Variants in GAS2 observed in about 807,000 individuals in gnomAD.
GAS2 encodes the protein growth arrest-specific protein 2.
In GAS2, 20 loss-of-function variants were observed where a neutral mutation model predicts 37.5. The observed-to-expected ratio is 0.53, with a 90% CI of 0.37 to 0.77. The LOEUF (loss-of-function observed/expected upper bound fraction) is 0.77. Among genes scored for constraint, GAS2 ranks in the 30% least tolerant of loss-of-function variants. GAS2 has a pLI of 0.00. For synonymous variants in GAS2, 144 were observed against 132.2 expected (o/e 1.09, Z -0.61); for missense variants, 336 against 373.4 (o/e 0.90, Z 0.82).
chr11:22,806,226 A>T (rs1030437021), intron 7 of GAS2, among the ~76,000 whole-genome samples: 2 of 152,134 alleles, frequency 1.3e-5, no homozygotes, highest in African/African-American at 4.8e-5. Flanking sequence ...GGCTTCTTTC[A>T]TGTACCACAA....
chr11:22,794,083 G>A (rs1318988590), intron 7 of GAS2, among the ~76,000 whole-genome samples: 1 of 148,886 alleles, frequency 6.7e-6, no homozygotes, highest in Non-Finnish European at 1.5e-5. Context: ...TACAAAACAA[G>A]AATAAGATCT....
At position 22,737,786 on chromosome 11, in the gene GAS2, A is replaced by C. The variant is rs779101145; in HGVS notation, c.473+18A>C. 1.2e-6 allele frequency: 2 copies of C among 1,610,896 alleles called. No homozygotes were observed. Among genetic ancestry groups the C allele is most frequent in the East Asian group, 2.2e-5 (1 of 44,848 alleles). On this transcript the variant is annotated intron_variant, in intron 5 of 7. Coordinates refer to ENST00000454584, the MANE Select transcript of GAS2 (RefSeq NM_001143830.3). ...GCAGCCAGGTAGGTCAAACCACTGC[A>C]ACTATGTCAAGACATTGACGATTTC...
chr11:22,779,990 C>G (rs901134030), intron 7 of GAS2, among the ~76,000 whole-genome samples: 1 of 152,174 alleles, frequency 6.6e-6, no homozygotes, highest in Non-Finnish European at 1.5e-5. Context: ...ATTCTTTACG[C>G]TTTTGACCTT....
chr11:22,646,627 G>C (rs1278672925), intron 1 of GAS2, among the ~76,000 whole-genome samples: 1 of 152,178 alleles, frequency 6.6e-6, no homozygotes, highest in East Asian at 1.9e-4. Flanking sequence ...AATCTATTTT[G>C]AGAAAGGCAC....
chr11:22,770,739 G>C (rs908913738), intron 7 of GAS2, among the ~76,000 whole-genome samples: 3 of 152,214 alleles, frequency 2.0e-5, no homozygotes, highest in Non-Finnish European at 4.4e-5. Context: ...ATCATTTAAT[G>C]TGGATTACTA....
intron 7 of GAS2, among the ~76,000 whole-genome samples, chr11:22,806,200 TTATCTTTCTGTGCCTGGC>T (rs1365718739): frequency 1.9e-4 from 29 of 152,176 alleles, no homozygotes; most frequent in African/African-American, 7.0e-4. Flanking sequence ...TATGGTATTT[TTATCTTTCTGTGCCTGGC>T]TTCTTTCATG....
intron 1 of GAS2, among the ~76,000 whole-genome samples, chr11:22,647,385 G>A (rs1450629347): frequency 1.8e-4 from 28 of 152,092 alleles, no homozygotes; most frequent in African/African-American, 6.0e-4. Context: ...ATAAACATAC[G>A]TGTGCATGTG....
At chr11:22,764,558 T>C in intron 7 of GAS2, among the ~76,000 whole-genome samples, 1 of 88,570 alleles carries the variant, frequency 1.1e-5, no homozygotes, top group Non-Finnish European at 2.1e-5. Context: ...CAAGACTCCG[T>C]CTCAAAAAAA....
rs991386136 is a variant in GAS2, at chr11:22,631,269, C to T, written c.-21+5456C>T. On this transcript the variant is annotated intron_variant, in intron 1 of 5. Transcript: ENST00000528582. ...TTTCCTAGGTATATTATCGCATCAT[C>T]AGCAAACAGAGATAGTTTGACTCCT... Among the ~76,000 whole-genome samples the T allele has an allele frequency of 2.0e-5, 3 of 152,122 alleles. No homozygotes were observed. In the South Asian group the frequency reaches 6.2e-4, roughly 32 times the overall value.
chr11:22,748,979 C>T lies in GAS2; in HGVS notation c.474-141C>T. 3 of 832,496 alleles carry T rather than the reference C, an allele frequency of 3.6e-6. No individual in the cohort carries two copies. The South Asian group carries it at 5.9e-5, about 16-fold the overall frequency. The allele number at this position is 832,496 out of a possible 1,614,324, so 51.6% of individuals were successfully genotyped here. On this transcript the variant is annotated intron_variant, in intron 5 of 7. Coordinates refer to ENST00000454584, the MANE Select transcript of GAS2 (RefSeq NM_001143830.3). The stretch of plus-strand genomic sequence containing the variant: ...AGAAGGATGCTAATTCAAGAGCTTA[C>T]AATTTCAATGCCAGAAAAAAAGTGA...
rs200540599 is a variant in GAS2, at chr11:22,641,300, A to G, written c.-21+15487A>G. ...TATATATCTATATCTTTATATATAT[A>G]TCTTTATATATATTTATATATCTTT... is the stretch of plus-strand genomic sequence containing the variant. On this transcript the variant is annotated intron_variant, in intron 1 of 5. Transcript: ENST00000528582. Among the ~76,000 whole-genome samples, 52 of 29,678 alleles carry G rather than the reference A, an allele frequency of 1.8e-3. No individual in the cohort carries two copies. The East Asian group carries it at 0.045, about 26-fold the overall frequency. 19.5% of individuals were successfully genotyped at this position (29,678 alleles called of 152,430 possible). A position where few individuals can be genotyped will look rare whatever the true frequency, so the allele number is the denominator to read the frequency against.
chr11:22,744,139 G>A (rs76156900), intron 5 of GAS2, among the ~76,000 whole-genome samples: 2,106 of 151,956 alleles, frequency 0.014, 57 homozygotes, highest in African/African-American at 0.048. Context: ...AAATTGAATC[G>A]GTAGTAAAAA....
chr11:22,733,360 A>C (rs1852580241), intron 4 of GAS2, among the ~76,000 whole-genome samples: 4 of 151,744 alleles, frequency 2.6e-5, no homozygotes, highest in South Asian at 2.1e-4. Context: ...TTTATCCTAA[A>C]GTATATTTTT....
chr11:22,681,855 T>C (rs1392381952), intron 2 of GAS2, among the ~76,000 whole-genome samples: 1 of 152,096 alleles, frequency 6.6e-6, no homozygotes, highest in Non-Finnish European at 1.5e-5. Context: ...AAAATACTGT[T>C]GATAATATTA....
At chr11:22,766,456 G>A (rs76555910) in intron 7 of GAS2, among the ~76,000 whole-genome samples, 1,943 of 152,044 alleles carry the variant, frequency 0.013, 21 homozygotes, top group Middle Eastern at 0.024. Flanking sequence ...ATAGACATTT[G>A]GCATGTCATT....
At chr11:22,765,927 G>A (rs1239587996) in intron 7 of GAS2, among the ~76,000 whole-genome samples, 2 of 152,200 alleles carry the variant, frequency 1.3e-5, no homozygotes, top group Non-Finnish European at 2.9e-5. Context: ...GAAAAAGAGG[G>A]AGCAGGTACT....
At chr11:22,758,653 C>T (rs1854183494) in intron 7 of GAS2, among the ~76,000 whole-genome samples, 1 of 152,120 alleles carries the variant, frequency 6.6e-6, no homozygotes, top group Non-Finnish European at 1.5e-5. Context: ...GTGGTTTACG[C>T]CTGTAATCCC....
rs1853570298 is a variant in GAS2 at position 22,748,984 on chromosome 11, T to C, written c.474-136T>C. The C allele has an allele frequency of 2.4e-5, 21 of 879,036 alleles. No homozygotes were observed. In the South Asian group the frequency reaches 3.5e-4, roughly 14 times the overall value. The allele number at this position is 879,036 out of a possible 1,614,324, so 54.5% of individuals were successfully genotyped here. On this transcript the variant is annotated intron_variant, in intron 5 of 7. Coordinates refer to ENST00000454584, the MANE Select transcript of GAS2 (RefSeq NM_001143830.3). ...GATGCTAATTCAAGAGCTTACAATT[T>C]CAATGCCAGAAAAAAAGTGAATGTT...
chr11:22,691,415 A>G (rs1242563105), intron 3 of GAS2, among the ~76,000 whole-genome samples: 1 of 152,204 alleles, frequency 6.6e-6, no homozygotes, highest in Non-Finnish European at 1.5e-5. Flanking sequence ...CATCTCATCA[A>G]GATTTAATTC....
Sources: allele counts gnomAD v4.1 joint callset (sites outside exome capture counted in the v4.1 genomes callset), GRCh38; gene constraint gnomAD v4.1.1; transcripts MANE v1.5; gene names NCBI Gene and HGNC (gene_info 2026-07-23, HGNC 2026-07-21).